Variants in PPIP5K1 observed in about 807,000 individuals in gnomAD.
PPIP5K1 encodes diphosphoinositol pentakisphosphate kinase 1.
Under a neutral mutation model 27.7 loss-of-function variants are expected in PPIP5K1, and 6 were observed. The observed-to-expected ratio is 0.22, with a 90% CI of 0.12 to 0.43. PPIP5K1 has a LOEUF of 0.43. PPIP5K1 is among the 20% of genes least tolerant of loss of function. The pLI is 1.00. For synonymous variants in PPIP5K1, 145 were observed against 242.6 expected (o/e 0.60, Z 3.74); for missense variants, 394 against 635.4 (o/e 0.62, Z 4.08).
Position 43,534,779 on chromosome 15 carries a change from C to A in PPIP5K1, c.4368G>T (p.Ala1456=). ...EVGRLAQETS[A]INLLSQGIPE... ...GGATGCCCTGAGATAACAGATTGAT[C>A]GCAGAAGTCTCCTGGGCCAGCCTGC... The change falls in exon 32 of 32, where the codon GCG becomes GCT. Residue 1456 remains alanine (A), a synonymous_variant. Coordinates refer to ENST00000420765, the MANE Select transcript of PPIP5K1 (RefSeq NM_001394395.1). 1 of 1,581,772 alleles carries A rather than the reference C, an allele frequency of 6.3e-7. No individual in the cohort carries two copies. Among genetic ancestry groups the A allele is most frequent in the Non-Finnish European group, 8.6e-7 (1 of 1,165,240 alleles).
chr15:43,549,540 C>A (rs1458580205), intron 30 of PPIP5K1, among the ~76,000 whole-genome samples: 1 of 151,946 alleles, frequency 6.6e-6, no homozygotes, highest in Non-Finnish European at 1.5e-5. Context: ...GTGGTCCTAC[C>A]TACTTGGGAG....
chr15:43,579,381 T>TACACACACAC (rs879415771), intron 10 of PPIP5K1, among the ~76,000 whole-genome samples: 15 of 32,104 alleles, frequency 4.7e-4, no homozygotes, highest in South Asian at 4.5e-3. Flanking sequence ...GCTTCGATTA[T>TACACACACAC]ATACACACAC....
chr15:43,537,638 G>A (rs1235531239), intron 31 of PPIP5K1, among the ~76,000 whole-genome samples: 1 of 140,628 alleles, frequency 7.1e-6, no homozygotes, highest in African/African-American at 2.8e-5. Context: ...GCAGTGAGCC[G>A]AGATCGCGCC....
chr15:43,555,465 TTGTAGAG>T (rs2141005717), intron 30 of PPIP5K1, among the ~76,000 whole-genome samples: 1 of 151,842 alleles, frequency 6.6e-6, no homozygotes, highest in South Asian at 2.1e-4. Flanking sequence ...TTTTATTTTT[TTGTAGAG>T]GTGGGGTTTT....
intron 30 of PPIP5K1, 56 bp downstream of exon 30, chr15:43,558,739 T>A: frequency 6.2e-7 from 1 of 1,602,648 alleles, no homozygotes; most frequent in Non-Finnish European, 8.5e-7. Flanking sequence ...TCTTATATTC[T>A]AGGAAGCATG....
chr15:43,560,901 T>C (rs1224542649), intron 28 of PPIP5K1, among the ~76,000 whole-genome samples: 1 of 151,586 alleles, frequency 6.6e-6, no homozygotes, highest in Non-Finnish European at 1.5e-5. Context: ...GTCACATCAT[T>C]GTGAACAGGG....
intron 31 of PPIP5K1, 24 bp downstream of exon 31, chr15:43,539,446 G>A: frequency 6.8e-7 from 1 of 1,479,132 alleles, no homozygotes; most frequent in Non-Finnish European, 9.3e-7. Flanking sequence ...CTTTTGTCTA[G>A]GCAGTTCCAA....
intron 30 of PPIP5K1, among the ~76,000 whole-genome samples, chr15:43,540,127 C>A (rs753165551): frequency 6.6e-6 from 1 of 152,120 alleles, no homozygotes; most frequent in African/African-American, 2.4e-5. Context: ...TGGCACATGC[C>A]TGTAATCCCA....
chr15:43,536,737 G>A (rs914728110), intron 31 of PPIP5K1, among the ~76,000 whole-genome samples: 1 of 152,132 alleles, frequency 6.6e-6, no homozygotes, highest in Non-Finnish European at 1.5e-5. Flanking sequence ...CATCCTGACA[G>A]TAGTGTAATA....
At chr15:43,547,500 G>A (rs955551471) in intron 30 of PPIP5K1, among the ~76,000 whole-genome samples, 2 of 152,190 alleles carry the variant, frequency 1.3e-5, no homozygotes, top group African/African-American at 4.8e-5. Flanking sequence ...CTTATACTTA[G>A]GTCATTGATC....
intron 30 of PPIP5K1, among the ~76,000 whole-genome samples, chr15:43,550,607 AT>A (rs534265875): frequency 7.9e-4 from 120 of 151,560 alleles, no homozygotes; most frequent in Admixed American, 1.6e-3. Flanking sequence ...CAATTTGGAT[AT>A]TTTTTTTTCC....
At chr15:43,551,593 A>G in intron 30 of PPIP5K1, among the ~76,000 whole-genome samples, 1 of 140,116 alleles carries the variant, frequency 7.1e-6, no homozygotes, top group Non-Finnish European at 1.5e-5. Context: ...TAGACTTTCT[A>G]CTTCTTGATT....
chr15:43,546,176 A>C (rs1301349011), intron 30 of PPIP5K1, among the ~76,000 whole-genome samples: 2 of 152,184 alleles, frequency 1.3e-5, no homozygotes, highest in Non-Finnish European at 2.9e-5. Context: ...ATTTGGCATA[A>C]TGTTTTTAAG....
intron 30 of PPIP5K1, among the ~76,000 whole-genome samples, chr15:43,551,884 T>G (rs900308591): frequency 6.6e-6 from 1 of 152,146 alleles, no homozygotes; most frequent in East Asian, 1.9e-4. Context: ...ATTACAGGCG[T>G]GAGCCACCAC....
rs1186542892 is a variant in PPIP5K1 at position 43,558,764 on chromosome 15, G to A, written c.3556+31C>T. Reference sequence around the variant, plus strand: ...TAGGAAGCATGGGCATGGGGGCAGAGAGAAGGGTAAAAAAATAAGAATATC... The same window carrying A: ...TAGGAAGCATGGGCATGGGGGCAGAAAGAAGGGTAAAAAAATAAGAATATC... On this transcript the variant is annotated intron_variant, in intron 30 of 31. Transcript: ENST00000420765. 4.3e-6 allele frequency: 7 copies of A among 1,611,434 alleles called. No individual in the cohort carries two copies. In the Admixed American group the frequency reaches 5.0e-5, roughly 12 times the overall value.
At chr15:43,578,378 GA>G (rs1227989727) in intron 11 of PPIP5K1, among the ~76,000 whole-genome samples, 8 of 16,598 alleles carry the variant, frequency 4.8e-4, no homozygotes, top group African/African-American at 9.4e-4. Context: ...AAAGTTAAAA[GA>G]AAAAAAATTA....
chr15:43,534,479 G>T lies in PPIP5K1; in HGVS notation c.*195C>A. 2.0e-6 allele frequency: 1 copy of T among 491,050 alleles called. No homozygotes were observed. The highest frequency in any genetic ancestry group is 3.5e-6 in the Non-Finnish European group (1 of 285,674). 30.4% of individuals were successfully genotyped at this position (491,050 alleles called of 1,614,324 possible). ...GCCAGTGAGTTAGCCAACAGAAAAG[G>T]TTGCTGGCTCAAATGGCTGGTATAG... is the stretch of plus-strand genomic sequence containing the variant. On this transcript the variant is annotated 3_prime_UTR_variant, in exon 32 of 32. Coordinates refer to ENST00000420765, the MANE Select transcript of PPIP5K1 (RefSeq NM_001394395.1).
At position 43,539,538 on chromosome 15, in the gene PPIP5K1, A is replaced by C. The variant is rs1567010266; in HGVS notation, c.3602T>G (p.Phe1201Cys). ...TGAATGAAGAGTACGTGGTGGAGAA[A>C]ATGGGTTATCTGAGGCCTGGCTGCT... is the stretch of plus-strand genomic sequence containing the variant. ...MHSSQASDNP[F>C]SPPRTLHSPP... Residue 1201 changes from phenylalanine to cysteine, a missense_variant, in exon 31 of 32, where the codon TTT becomes TGT. Transcript: ENST00000420765. 3 of 1,610,716 alleles carry C rather than the reference A, an allele frequency of 1.9e-6. No individual in the cohort carries two copies. The highest frequency in any genetic ancestry group is 2.5e-6 in the Non-Finnish European group (3 of 1,178,294).
chr15:43,546,515 G>A (rs558632741), intron 30 of PPIP5K1, among the ~76,000 whole-genome samples: 60 of 150,310 alleles, frequency 4.0e-4, no homozygotes, highest in African/African-American at 1.2e-3. Flanking sequence ...GGTCTTGAAC[G>A]CCTGGTCTTA....
Sources: gnomAD v4.1 joint callset for allele counts (sites outside exome capture counted in the v4.1 genomes callset) on GRCh38, gnomAD v4.1.1 for gene constraint, MANE v1.5 for transcripts, NCBI Gene and HGNC (gene_info 2026-07-23, HGNC 2026-07-21) for gene names.